The following MECOM variants were observed in gnomAD, a reference collection of about 807,000 sequenced individuals.
The protein encoded by MECOM is histone-lysine N-methyltransferase MECOM.
In MECOM, 13 loss-of-function variants were observed where a neutral mutation model predicts 116.3. The observed-to-expected ratio is 0.11, with a 90% CI of 0.07 to 0.18. MECOM has a LOEUF of 0.18. MECOM is among the 10% of genes least tolerant of loss of function. The probability of loss-of-function intolerance (pLI) is 1.00; values close to 1 mark genes in which losing one functional copy is unlikely to be tolerated. For synonymous variants in MECOM, 528 were observed against 535.2 expected (o/e 0.99, Z 0.19); for missense variants, 1,299 against 1,509.0 (o/e 0.86, Z 2.31).
rs115578771 is a variant in MECOM at position 169,521,448 on chromosome 3, G to A, written c.38-139924C>T. On this transcript the variant is annotated intron_variant, in intron 1 of 16. Transcript: ENST00000651503. ...TCCATTCCCAAGAAAAAGAAGGCCA[G>A]ACAGAGCCCACAGCATGTACTTTTT... 6.3e-3 allele frequency among the ~76,000 whole-genome samples: 958 copies of A among 152,258 alleles called. 14 individuals are homozygous for A. Among genetic ancestry groups the A allele is most frequent in the African/African-American group, 0.023 (936 of 41,544 alleles).
intron 10 of MECOM, among the ~76,000 whole-genome samples, chr3:169,106,769 C>T (rs934851524): frequency 7.2e-5 from 11 of 151,980 alleles, no homozygotes; most frequent in African/African-American, 1.9e-4. Flanking sequence ...AGATGAGGAC[C>T]GTGAGGCACA....
chr3:169,284,534 A>C (rs1712856875), intron 2 of MECOM, among the ~76,000 whole-genome samples: 1 of 151,940 alleles, frequency 6.6e-6, no homozygotes, highest in Admixed American at 6.6e-5. Flanking sequence ...CTGAATCTCC[A>C]AGCAATGCTG....
chr3:169,225,808 C>A (rs976624354), intron 2 of MECOM, among the ~76,000 whole-genome samples: 7 of 152,156 alleles, frequency 4.6e-5, no homozygotes, highest in African/African-American at 1.7e-4. Flanking sequence ...GGGGCTTTCA[C>A]CATATTGACC....
chr3:169,439,354 T>A (rs1178955229), intron 1 of MECOM, among the ~76,000 whole-genome samples: 2 of 148,028 alleles, frequency 1.4e-5, no homozygotes, highest in Non-Finnish European at 3.0e-5. Context: ...TATTTAATAT[T>A]AATATAGTTA....
chr3:169,656,072 C>A (rs540948046), intron 1 of MECOM, among the ~76,000 whole-genome samples: 1 of 152,296 alleles, frequency 6.6e-6, no homozygotes, highest in South Asian at 2.1e-4. Context: ...GAGTAGGGAA[C>A]ATGGTTTGCC....
chr3:169,264,134 G>C (rs1041462991), intron 2 of MECOM, among the ~76,000 whole-genome samples: 1 of 152,160 alleles, frequency 6.6e-6, no homozygotes, highest in South Asian at 2.1e-4. Flanking sequence ...CAAATGTTAT[G>C]ACATACTACT....
At chr3:169,126,402 A>C (rs1732860744) in intron 5 of MECOM, among the ~76,000 whole-genome samples, 1 of 152,094 alleles carries the variant, frequency 6.6e-6, no homozygotes, top group African/African-American at 2.4e-5. Context: ...ATTACTTTAC[A>C]GTTTAAATAT....
intron 1 of MECOM, among the ~76,000 whole-genome samples, chr3:169,607,531 T>C (rs2109793871): frequency 6.6e-6 from 1 of 152,372 alleles, no homozygotes; most frequent in South Asian, 2.1e-4. Context: ...AAACAATCAA[T>C]TTTGGTGGTG....
chr3:169,602,704 A>G (rs1177887208), intron 1 of MECOM, among the ~76,000 whole-genome samples: 1 of 152,232 alleles, frequency 6.6e-6, no homozygotes, highest in Non-Finnish European at 1.5e-5. Context: ...GGAAATATTT[A>G]GTCAAAAAGA....
chr3:169,198,002 C>T (rs139119368), intron 2 of MECOM, among the ~76,000 whole-genome samples: 1 of 152,042 alleles, frequency 6.6e-6, no homozygotes. Context: ...AATACCAAAT[C>T]ATGTTCCTTT....
intron 1 of MECOM, among the ~76,000 whole-genome samples, chr3:169,617,509 G>T (rs1770158370): frequency 6.6e-6 from 1 of 152,180 alleles, no homozygotes; most frequent in Non-Finnish European, 1.5e-5. Context: ...TATAGTGCTT[G>T]TCTGATTAAA....
intron 2 of MECOM, among the ~76,000 whole-genome samples, chr3:169,376,377 G>A (rs1330777420): frequency 6.6e-6 from 1 of 152,132 alleles, no homozygotes. Context: ...TAAGAAGAGA[G>A]GAAGTTGAAT....
rs553489606 is a variant in MECOM at position 169,328,396 on chromosome 3, C to T, written c.375+52791G>A. 2.0e-5 allele frequency among the ~76,000 whole-genome samples: 3 copies of T among 152,312 alleles called. No individual in the cohort carries two copies. In the East Asian group the frequency reaches 5.8e-4, roughly 29 times the overall value. On this transcript the variant is annotated intron_variant, in intron 2 of 16. Coordinates refer to ENST00000651503, the MANE Select transcript of MECOM (RefSeq NM_004991.4). Reference sequence around the variant, plus strand: ...AAAGTCCTAAAATTTCATAGCTCATCTCTATTTGCTTGCTCAGTGCAAAGT... The same window carrying T: ...AAAGTCCTAAAATTTCATAGCTCATTTCTATTTGCTTGCTCAGTGCAAAGT...
At chr3:169,523,785 A>G (rs1482179943) in intron 1 of MECOM, among the ~76,000 whole-genome samples, 1 of 151,838 alleles carries the variant, frequency 6.6e-6, no homozygotes, top group African/African-American at 2.4e-5. Context: ...TATATCCCAA[A>G]TATTGCATGA....
intron 2 of MECOM, among the ~76,000 whole-genome samples, chr3:169,185,423 C>T (rs1297973629): frequency 2.0e-5 from 3 of 152,136 alleles, no homozygotes; most frequent in Non-Finnish European, 4.4e-5. Flanking sequence ...AAAACTGACA[C>T]TCTGTTTGGC....
intron 4 of MECOM, among the ~76,000 whole-genome samples, chr3:169,128,323 A>C (rs1733579695): frequency 2.0e-5 from 3 of 152,188 alleles, no homozygotes. Flanking sequence ...TCCAGAGAAT[A>C]CTAAAAATAA....
chr3:169,596,349 G>A (rs184858698), intron 1 of MECOM, among the ~76,000 whole-genome samples: 1 of 152,240 alleles, frequency 6.6e-6, no homozygotes, highest in East Asian at 1.9e-4. Flanking sequence ...TAGCCCAGGC[G>A]GTGATGGATA....
intron 2 of MECOM, among the ~76,000 whole-genome samples, chr3:169,208,420 C>A (rs1750248618): frequency 6.6e-6 from 1 of 151,216 alleles, no homozygotes; most frequent in Non-Finnish European, 1.5e-5. Flanking sequence ...GTCTATAAAA[C>A]AAAAGCTCAT....
intron 1 of MECOM, among the ~76,000 whole-genome samples, chr3:169,525,020 G>A (rs534642566): frequency 6.6e-6 from 1 of 150,432 alleles, no homozygotes; most frequent in Admixed American, 6.6e-5. Context: ...TCCCTGATAA[G>A]ATATTCCAAA....
Sources: allele counts gnomAD v4.1 joint callset (sites outside exome capture counted in the v4.1 genomes callset), GRCh38; gene constraint gnomAD v4.1.1; transcripts MANE v1.5; gene names NCBI Gene and HGNC (gene_info 2026-07-23, HGNC 2026-07-21).